Variants in JAM2 observed in about 807,000 individuals in gnomAD.
JAM2 encodes junctional adhesion molecule B.
In JAM2, 17 loss-of-function variants were observed where a neutral mutation model predicts 42.0. The ratio of observed to expected loss-of-function variants is 0.40; its 90% confidence interval spans 0.28 to 0.61. JAM2 has a LOEUF of 0.61. Among genes scored for constraint, JAM2 ranks in the 20% least tolerant of loss-of-function variants. The pLI, the probability that JAM2 is intolerant of heterozygous loss-of-function variation, is 0.37. For missense variants in JAM2, 319 were observed against 358.3 expected (o/e 0.89, Z 0.89); for synonymous variants, 118 against 128.6 (o/e 0.92, Z 0.56).
At chr21:25,684,743 A>G (rs915297960) in intron 2 of JAM2, among the ~76,000 whole-genome samples, 1 of 152,098 alleles carries the variant, frequency 6.6e-6, no homozygotes, top group African/African-American at 2.4e-5. Flanking sequence ...TTACAGGCAC[A>G]GGCCACCATG....
intron 2 of JAM2, among the ~76,000 whole-genome samples, chr21:25,687,056 T>G (rs1325787303): frequency 6.6e-6 from 1 of 152,258 alleles, no homozygotes; most frequent in African/African-American, 2.4e-5. Context: ...TATTTTTTGC[T>G]ATCTCCTACA....
chr21:25,700,926 TA>T (rs60336044), intron 5 of JAM2, among the ~76,000 whole-genome samples: 2,043 of 152,310 alleles, frequency 0.013, 51 homozygotes, highest in African/African-American at 0.046. Flanking sequence ...TTTTCAAATT[TA>T]TTTTTTCTCA....
intron 6 of JAM2, among the ~76,000 whole-genome samples, chr21:25,703,010 C>T (rs2034199436): frequency 1.3e-5 from 2 of 152,076 alleles, no homozygotes; most frequent in Admixed American, 1.3e-4. Flanking sequence ...GCCCACCGCA[C>T]CCAGCTAATT....
Position 25,673,762 on chromosome 21 carries a change from A to T in JAM2, c.68-10121A>T, listed in dbSNP as rs189627644. Among the ~76,000 whole-genome samples, 13 of 152,232 alleles carry T rather than the reference A, an allele frequency of 8.5e-5. No individual in the cohort carries two copies. In the East Asian group the frequency reaches 2.5e-3, roughly 29 times the overall value. ...AAAACACTGTGACCTCCAGCAACTT[A>T]TTTAACTACTCTCAATTGTCATATC... On this transcript the variant is annotated intron_variant, in intron 1 of 9. Coordinates refer to ENST00000480456, the MANE Select transcript of JAM2 (RefSeq NM_021219.4).
chr21:25,658,160 C>T (rs2829851), intron 1 of JAM2, among the ~76,000 whole-genome samples: 59,049 of 151,836 alleles, frequency 0.39, 13,142 homozygotes, highest in East Asian at 0.64. Flanking sequence ...CTGTCAAAAT[C>T]GTTTAGGAAA....
intron 2 of JAM2, among the ~76,000 whole-genome samples, chr21:25,687,429 C>T (rs992454438): frequency 1.1e-4 from 17 of 152,268 alleles, no homozygotes; most frequent in African/African-American, 3.6e-4. Context: ...TGTTATAGCG[C>T]AATAACCCTA....
At chr21:25,712,075 T>C in intron 8 of JAM2, 1 of 395,100 alleles carries the variant, frequency 2.5e-6, no homozygotes, top group South Asian at 3.0e-5. Context: ...GGTTTGTGTA[T>C]TCCACAAAAA....
rs556929621 is a variant in JAM2 at position 25,677,173 on chromosome 21, G to T, written c.68-6710G>T. Among the ~76,000 whole-genome samples the T allele has an allele frequency of 1.1e-4, 16 of 151,504 alleles. No homozygotes were observed. The East Asian group carries it at 3.1e-3, about 29-fold the overall frequency. On this transcript the variant is annotated intron_variant, in intron 1 of 9. Transcript: ENST00000480456. Reference sequence around the variant, plus strand: ...ATACCCATGTAACAAAATTGCACTTGTGCCCCTTAAATTTATACACACAAA... The same window carrying T: ...ATACCCATGTAACAAAATTGCACTTTTGCCCCTTAAATTTATACACACAAA...
intron 1 of JAM2, among the ~76,000 whole-genome samples, chr21:25,645,223 A>G (rs76277076): frequency 0.075 from 11,356 of 152,254 alleles, 785 homozygotes; most frequent in East Asian, 0.38. Flanking sequence ...ATTGCATAGT[A>G]TGGTGGTAAA....
intron 3 of JAM2, among the ~76,000 whole-genome samples, chr21:25,692,752 T>C (rs1004525766): frequency 6.6e-6 from 1 of 152,234 alleles, no homozygotes; most frequent in Non-Finnish European, 1.5e-5. Flanking sequence ...AAAGGTCAGT[T>C]AAATATTAGA....
Position 25,715,642 on chromosome 21 carries a change from G to T in JAM2, c.*970G>T, listed in dbSNP as rs550451324. 1 of 152,328 alleles carries T rather than the reference G, an allele frequency of 6.6e-6. No homozygotes were observed. Among genetic ancestry groups the T allele is most frequent in the East Asian group, 1.9e-4 (1 of 5,178 alleles). The allele number at this position is 152,328 out of a possible 1,614,324, so 9.4% of individuals were successfully genotyped here. On this transcript the variant is annotated 3_prime_UTR_variant, in exon 10 of 10. Transcript: ENST00000480456. ...AGAAGTAATAGTCTACCAGGAAAAT[G>T]AGACGAAAAAGCTCAGTATGACTCC...
chr21:25,701,365 C>T (rs907009697), intron 5 of JAM2, among the ~76,000 whole-genome samples: 14 of 151,872 alleles, frequency 9.2e-5, no homozygotes, highest in African/African-American at 3.4e-4. Context: ...TCTTCCCTCC[C>T]TCCAGCCCTT....
chr21:25,654,109 A>G (rs1234961301), intron 1 of JAM2, among the ~76,000 whole-genome samples: 2 of 152,224 alleles, frequency 1.3e-5, no homozygotes, highest in African/African-American at 2.4e-5. Flanking sequence ...TTAGGCATGT[A>G]TGTGTAACCA....
rs1167259732 is a variant in JAM2, at chr21:25,698,733, G to A, written c.451G>A (p.Val151Ile). 1.9e-6 allele frequency: 3 copies of A among 1,614,118 alleles called. No homozygotes were observed. The South Asian group carries it at 3.3e-5, about 18-fold the overall frequency. The change falls in exon 5 of 10, where the codon GTA (valine) becomes ATA (isoleucine). Residue 151 changes from valine to isoleucine, a missense_variant. Val to Ile is a conservative substitution (Grantham distance 29). Coordinates refer to ENST00000480456, the MANE Select transcript of JAM2 (RefSeq NM_021219.4). ...VPSSALSGTV[V>I]ELRCQDKEGN... is the part of the protein sequence containing the mutation. ...CTCTTCTGCTCTGAGTGGAACTGTGGTAGAGCTACGATGTCAAGACAAAGA... is the reference window on the plus strand; with the variant it reads ...CTCTTCTGCTCTGAGTGGAACTGTGATAGAGCTACGATGTCAAGACAAAGA...
At chr21:25,675,327 C>T (rs1441975194) in intron 1 of JAM2, among the ~76,000 whole-genome samples, 1 of 152,118 alleles carries the variant, frequency 6.6e-6, no homozygotes, top group Non-Finnish European at 1.5e-5. Context: ...GAAACCCCAT[C>T]TCCACTATTA....
At chr21:25,705,404 T>A (rs898193703) in intron 6 of JAM2, among the ~76,000 whole-genome samples, 4 of 152,236 alleles carry the variant, frequency 2.6e-5, no homozygotes, top group African/African-American at 7.2e-5. Flanking sequence ...ATAATTTTTT[T>A]AATTTTTTTA....
chr21:25,688,314 G>A (rs913349523), intron 2 of JAM2, among the ~76,000 whole-genome samples: 1 of 149,388 alleles, frequency 6.7e-6, no homozygotes, highest in Non-Finnish European at 1.5e-5. Flanking sequence ...ACACACATGC[G>A]TATCTAAATA....
chr21:25,667,774 C>T (rs1186288808), intron 1 of JAM2, among the ~76,000 whole-genome samples: 1 of 152,110 alleles, frequency 6.6e-6, no homozygotes, highest in East Asian at 1.9e-4. Context: ...GTTCTTCGCC[C>T]TTGGGATTAT....
chr21:25,693,402 C>T lies in JAM2; in HGVS notation c.242-354C>T, dbSNP rs547011928. Among the ~76,000 whole-genome samples the T allele has an allele frequency of 1.2e-3, 186 of 152,138 alleles. 2 individuals are homozygous for T. The highest frequency in any genetic ancestry group is 4.1e-3 in the African/African-American group (171 of 41,518). On this transcript the variant is annotated intron_variant, in intron 3 of 9. Transcript: ENST00000480456. ...ACTCCCCAGTAGCTGGGATTACAGG[C>T]GCCCGCCACCACACCCAGCTAATTT...
Sources: gnomAD v4.1 joint callset for allele counts (sites outside exome capture counted in the v4.1 genomes callset) on GRCh38, gnomAD v4.1.1 for gene constraint, MANE v1.5 for transcripts, NCBI Gene and HGNC (gene_info 2026-07-23, HGNC 2026-07-21) for gene names.